SYNE2: variants seen among roughly 807,000 people sequenced by gnomAD.
SYNE2 encodes the protein spectrin repeat containing nuclear envelope protein 2.
In SYNE2, 431 loss-of-function variants were observed where a neutral mutation model predicts 856.3. The observed-to-expected ratio is 0.50, with a 90% CI of 0.47 to 0.55. SYNE2 has a LOEUF of 0.55. Among genes scored for constraint, SYNE2 ranks in the 20% least tolerant of loss-of-function variants. The probability of loss-of-function intolerance (pLI) is 0.00; values close to 1 mark genes in which losing one functional copy is unlikely to be tolerated. For synonymous variants in SYNE2, 2,923 were observed against 2,872.3 expected (o/e 1.02, Z -0.56); for missense variants, 8,129 against 8,023.2 (o/e 1.01, Z -0.50).
At chr14:63,850,079 C>CTTT (rs66964099), upstream of SYNE2, among the ~76,000 whole-genome samples, 3 of 130,410 alleles carry the variant, frequency 2.3e-5, no homozygotes, top group Non-Finnish European at 4.8e-5. Flanking sequence ...TGACAACATA[C>CTTT]TTTTTTTTTT....
chr14:63,868,151 A>C (rs1057506293), intron 1 of SYNE2, among the ~76,000 whole-genome samples: 1 of 152,260 alleles, frequency 6.6e-6, no homozygotes, highest in Non-Finnish European at 1.5e-5. Context: ...AACAAATGAG[A>C]TGCACAAGGT....
intron 1 of SYNE2, among the ~76,000 whole-genome samples, chr14:63,881,436 G>A (rs1464778063): frequency 1.3e-5 from 2 of 151,872 alleles, no homozygotes; most frequent in Non-Finnish European, 2.9e-5. Context: ...ATCGTTTGAA[G>A]ACAGGAGTTT....
At chr14:63,940,229 T>C (rs1447393415) in intron 2 of SYNE2, among the ~76,000 whole-genome samples, 1 of 152,050 alleles carries the variant, frequency 6.6e-6, no homozygotes, top group Non-Finnish European at 1.5e-5. Flanking sequence ...CTAATTTTTG[T>C]ATTTTTTGTA....
intron 46 of SYNE2, 81 bp from the exon 47 acceptor site, chr14:64,049,530 T>C: frequency 1.4e-6 from 2 of 1,471,682 alleles, no homozygotes; most frequent in South Asian, 1.2e-5. Flanking sequence ...GAGTGTGTTA[T>C]CTCAAAGAGG....
At chr14:63,998,478 C>T (rs1356020920) in intron 26 of SYNE2, 150 bp downstream of exon 26, 6 of 613,398 alleles carry the variant, frequency 9.8e-6, no homozygotes, top group Middle Eastern at 4.0e-4. Flanking sequence ...TTCTCACACG[C>T]AGTTGACAGT....
At chr14:64,108,266 C>G (rs941277294) in intron 65 of SYNE2, among the ~76,000 whole-genome samples, 1 of 152,146 alleles carries the variant, frequency 6.6e-6, no homozygotes, top group Non-Finnish European at 1.5e-5. Context: ...ACAGGAGAAT[C>G]GCTTGAACCT....
intron 30 of SYNE2, among the ~76,000 whole-genome samples, chr14:64,005,047 G>A (rs988582009): frequency 2.0e-5 from 3 of 152,178 alleles, no homozygotes; most frequent in African/African-American, 4.8e-5. Flanking sequence ...GGCAGCAGTA[G>A]GTACAAGGGT....
chr14:64,221,674 G>T lies in SYNE2; in HGVS notation c.20160G>T (p.Arg6720=), dbSNP rs1457103272. ...AHVTDPKADP[R]ALLECRRELM... ...TCACCGATCCAAAGGCAGACCCCCGGGCTCTCCTAGAGTGTCGGAGGGAAC... is the reference window on the plus strand; with the variant it reads ...TCACCGATCCAAAGGCAGACCCCCGTGCTCTCCTAGAGTGTCGGAGGGAAC... Residue 6720 remains arginine (R), a synonymous_variant, in exon 112 of 116, where the codon CGG becomes CGT. Coordinates refer to ENST00000555002, the MANE Select transcript of SYNE2 (RefSeq NM_182914.3). The T allele has an allele frequency of 1.2e-6, 2 of 1,614,010 alleles. No homozygotes were observed. Among genetic ancestry groups the T allele is most frequent in the Non-Finnish European group, 1.7e-6 (2 of 1,180,028 alleles).
At chr14:63,894,264 A>C (rs1424048329) in intron 1 of SYNE2, among the ~76,000 whole-genome samples, 2 of 148,026 alleles carry the variant, frequency 1.4e-5, no homozygotes, top group Non-Finnish European at 3.0e-5. Context: ...AATGCAGTGG[A>C]TGTGATCATA....
chr14:63,986,661 A>C (rs755246005), intron 19 of SYNE2, 44 bp downstream of exon 19: 8 of 1,597,648 alleles, frequency 5.0e-6, no homozygotes, highest in Non-Finnish European at 6.9e-6. Flanking sequence ...ATGGTTGTGC[A>C]TTTATGTTTT....
chr14:63,958,697 G>A (rs1255877), intron 8 of SYNE2, among the ~76,000 whole-genome samples: 4 of 151,914 alleles, frequency 2.6e-5, no homozygotes, highest in Non-Finnish European at 4.4e-5. Flanking sequence ...GGAGAGTTAA[G>A]GCTCACTCTC....
chr14:63,838,616 G>A (rs1566599554), intron 1 of SYNE2, among the ~76,000 whole-genome samples: 1 of 151,926 alleles, frequency 6.6e-6, no homozygotes, highest in South Asian at 2.1e-4. Context: ...CTTGGCTCCA[G>A]CAATCCTCCC....
chr14:63,963,448 A>G (rs1041345522), intron 9 of SYNE2, among the ~76,000 whole-genome samples: 1 of 152,244 alleles, frequency 6.6e-6, no homozygotes, highest in Non-Finnish European at 1.5e-5. Flanking sequence ...CGGAAAAAGT[A>G]ATTGTTGTTC....
intron 8 of SYNE2, among the ~76,000 whole-genome samples, chr14:63,955,587 T>C (rs1346792890): frequency 6.6e-6 from 1 of 152,194 alleles, no homozygotes; most frequent in Non-Finnish European, 1.5e-5. Flanking sequence ...GTGAAAATTA[T>C]GATGAACGAA....
rs139742396 is a variant in SYNE2 at position 63,839,352 on chromosome 14, C to T, written c.-304-13149C>T. Among the ~76,000 whole-genome samples, 59 of 152,198 alleles carry T rather than the reference C, an allele frequency of 3.9e-4. No individual in the cohort carries two copies. In the East Asian group the frequency reaches 0.01, roughly 26 times the overall value. On this transcript the variant is annotated intron_variant, in intron 1 of 23. Coordinates refer to the SYNE2 transcript ENST00000674003. ...CCTAAGATTTCTTAATTTTGCCAGT[C>T]TAACGGGTAAAAACGTTACCTCACT...
At chr14:63,805,629 C>A (rs1888334501) in intron 1 of SYNE2, among the ~76,000 whole-genome samples, 1 of 99,056 alleles carries the variant, frequency 1.0e-5, no homozygotes. Flanking sequence ...CCCGCCTCGG[C>A]CTTCCAAAGT....
chr14:63,903,818 T>C (rs1223411554), intron 1 of SYNE2, among the ~76,000 whole-genome samples: 1 of 152,082 alleles, frequency 6.6e-6, no homozygotes, highest in Non-Finnish European at 1.5e-5. Flanking sequence ...ATTCTTTTTT[T>C]TTTTTAATTT....
intron 52 of SYNE2, among the ~76,000 whole-genome samples, chr14:64,072,752 C>T (rs895535672): frequency 6.6e-6 from 1 of 152,162 alleles, no homozygotes; most frequent in African/African-American, 2.4e-5. Flanking sequence ...CTGCCCGCCT[C>T]GGCCTCCCAC....
intron 1 of SYNE2, among the ~76,000 whole-genome samples, chr14:63,843,276 C>T (rs1377605229): frequency 6.6e-6 from 1 of 152,004 alleles, no homozygotes. Flanking sequence ...TGGTCTCAAA[C>T]TCCAAGCGAT....
Sources: allele counts gnomAD v4.1 joint callset (sites outside exome capture counted in the v4.1 genomes callset), GRCh38; gene constraint gnomAD v4.1.1; transcripts MANE v1.5; gene names NCBI Gene and HGNC (gene_info 2026-07-23, HGNC 2026-07-21).